The following PLPPR5 variants were observed in gnomAD, a reference collection of about 807,000 sequenced individuals.
PLPPR5 encodes the protein phospholipid phosphatase-related protein type 5.
A neutral mutation model predicts 33.9 loss-of-function variants in PLPPR5; 16 were observed. That is an observed-to-expected ratio of 0.47 (90% CI 0.32 to 0.72). The LOEUF is 0.72. Among genes scored for constraint, PLPPR5 ranks in the 30% least tolerant of loss-of-function variants. The probability of loss-of-function intolerance (pLI) is 0.03; values close to 1 mark genes in which losing one functional copy is unlikely to be tolerated. For missense variants in PLPPR5, 301 were observed against 406.7 expected (o/e 0.74, Z 2.23); for synonymous variants, 163 against 150.3 (o/e 1.08, Z -0.62).
Position 98,892,908 on chromosome 1 carries a change from A to T in PLPPR5, c.*164T>A. On this transcript the variant is annotated 3_prime_UTR_variant, in exon 6 of 6. Transcript: ENST00000263177. ...AGACAATCCTGCCCTCGAGGAGCTC[A>T]CAGTCTAGTGGGGGAAACAGATAGG... 1 of 674,668 alleles carries T rather than the reference A, an allele frequency of 1.5e-6. No individual in the cohort carries two copies. Among genetic ancestry groups the T allele is most frequent in the Non-Finnish European group, 2.5e-6 (1 of 399,166 alleles). 41.8% of individuals were successfully genotyped at this position (674,668 alleles called of 1,614,324 possible).
At chr1:98,926,556 T>C (rs1036014153) in intron 3 of PLPPR5, among the ~76,000 whole-genome samples, 8 of 151,714 alleles carry the variant, frequency 5.3e-5, no homozygotes, top group African/African-American at 1.9e-4. Context: ...GAATCTTCCA[T>C]GACTTCTTCA....
intron 5 of PLPPR5, among the ~76,000 whole-genome samples, chr1:98,903,599 C>A (rs1648781990): frequency 6.6e-6 from 1 of 151,874 alleles, no homozygotes. Flanking sequence ...ACTTTTAAAT[C>A]CATGAAGTCT....
chr1:98,941,718 C>G (rs571853461), intron 3 of PLPPR5, among the ~76,000 whole-genome samples: 9 of 151,662 alleles, frequency 5.9e-5, no homozygotes, highest in Admixed American at 3.3e-4. Flanking sequence ...GTATTTAGCA[C>G]AGTAAGAACT....
chr1:98,938,424 A>G (rs1224394209), intron 3 of PLPPR5, among the ~76,000 whole-genome samples: 1 of 149,344 alleles, frequency 6.7e-6, no homozygotes, highest in African/African-American at 2.4e-5. Flanking sequence ...TCGTCTCAAA[A>G]AAAAAAAAAA....
At chr1:98,976,566 C>T (rs1651862255) in intron 1 of PLPPR5, among the ~76,000 whole-genome samples, 1 of 151,962 alleles carries the variant, frequency 6.6e-6, no homozygotes, top group Non-Finnish European at 1.5e-5. Flanking sequence ...TCTAGATCTG[C>T]CCTGTCTGAT....
chr1:98,968,191 A>AATAAGAGTACTGTAAC lies in PLPPR5; in HGVS notation c.238-11451_238-11450insGTTACAGTACTCTTAT, dbSNP rs138315970. Among the ~76,000 whole-genome samples the AATAAGAGTACTGTAAC allele has an allele frequency of 2.6e-5, 4 of 151,970 alleles. No individual in the cohort carries two copies. In the South Asian group the frequency reaches 8.3e-4, roughly 32 times the overall value. ...GCAAACATAAGCTCTAAGGAAAATG[A>AATAAGAGTACTGTAAC]ATACACTCATGTTATATACTTATAG... On this transcript the variant is annotated intron_variant, in intron 1 of 5. Coordinates refer to ENST00000263177, the MANE Select transcript of PLPPR5 (RefSeq NM_001037317.2).
At chr1:98,980,096 G>C (rs11807014) in intron 1 of PLPPR5, among the ~76,000 whole-genome samples, 2,909 of 152,128 alleles carry the variant, frequency 0.019, 94 homozygotes, top group African/African-American at 0.067. Flanking sequence ...AGGCATCAGG[G>C]ATGCTCTAGA....
At chr1:98,948,978 A>G (rs1160569326) in intron 3 of PLPPR5, among the ~76,000 whole-genome samples, 1 of 152,226 alleles carries the variant, frequency 6.6e-6, no homozygotes, top group African/African-American at 2.4e-5. Context: ...TAAGGTCAGA[A>G]TTGGAAGTGA....
At chr1:98,977,181 G>A (rs1312507749) in intron 1 of PLPPR5, among the ~76,000 whole-genome samples, 1 of 151,984 alleles carries the variant, frequency 6.6e-6, no homozygotes, top group African/African-American at 2.4e-5. Context: ...CCAGGCAACT[G>A]GGCATACATT....
Position 98,923,412 on chromosome 1 carries a change from G to A in PLPPR5, c.622-1354C>T, listed in dbSNP as rs144653139. On this transcript the variant is annotated intron_variant, in intron 3 of 5. Coordinates refer to ENST00000263177, the MANE Select transcript of PLPPR5 (RefSeq NM_001037317.2). Reference sequence around the variant, plus strand: ...TATATACCATTAACTATTGTCCCTGGTTAAATAAACAATACATCTGCCTAA... The same window carrying A: ...TATATACCATTAACTATTGTCCCTGATTAAATAAACAATACATCTGCCTAA... 8.5e-5 allele frequency among the ~76,000 whole-genome samples: 13 copies of A among 152,152 alleles called. No homozygotes were observed. In the East Asian group the frequency reaches 2.5e-3, roughly 29 times the overall value.
chr1:98,950,198 T>TA (rs5776444), intron 3 of PLPPR5, among the ~76,000 whole-genome samples: 152,300 of 152,300 alleles, frequency 1, 76,150 homozygotes, highest in Non-Finnish European at 1. Context: ...TCCTCATTTA[T>TA]AAATGGGTAA....
rs141898134 is a variant in PLPPR5 at position 98,922,999 on chromosome 1, C to CAA, written c.622-943_622-942dup. Among the ~76,000 whole-genome samples, 312 of 149,532 alleles carry CAA rather than the reference C, an allele frequency of 2.1e-3. 1 individual carries two copies. The highest frequency in any genetic ancestry group is 0.017 in the Middle Eastern group (5 of 290). On this transcript the variant is annotated intron_variant, in intron 3 of 5. Coordinates refer to ENST00000263177, the MANE Select transcript of PLPPR5 (RefSeq NM_001037317.2). ...GACTCTGTCTCAAAAACAACAACAA[C>CAA]AACAAAAAAAAACCATAAGTACGAT...
At chr1:98,932,334 A>G (rs932019027) in intron 3 of PLPPR5, among the ~76,000 whole-genome samples, 2 of 152,208 alleles carry the variant, frequency 1.3e-5, no homozygotes, top group African/African-American at 2.4e-5. Flanking sequence ...GTTTCAAACA[A>G]CTGAGTTAAA....
At chr1:98,907,721 G>A (rs1409150004) in intron 5 of PLPPR5, among the ~76,000 whole-genome samples, 2 of 152,184 alleles carry the variant, frequency 1.3e-5, no homozygotes, top group African/African-American at 4.8e-5. Context: ...ATCCTGAGCA[G>A]AAGAGCTGGA....
intron 4 of PLPPR5, among the ~76,000 whole-genome samples, chr1:98,918,217 A>T (rs1191758057): frequency 6.6e-6 from 1 of 152,148 alleles, no homozygotes; most frequent in Non-Finnish European, 1.5e-5. Flanking sequence ...ATAATCCTGG[A>T]TCTCTCAGTT....
intron 2 of PLPPR5, among the ~76,000 whole-genome samples, chr1:98,954,448 C>T (rs1334048869): frequency 6.6e-6 from 1 of 152,018 alleles, no homozygotes; most frequent in East Asian, 1.9e-4. Flanking sequence ...TTATTTGTTT[C>T]CCAAGCCTTT....
At chr1:98,903,820 T>C (rs1348861860) in intron 5 of PLPPR5, among the ~76,000 whole-genome samples, 1 of 152,178 alleles carries the variant, frequency 6.6e-6, no homozygotes, top group Admixed American at 6.6e-5. Flanking sequence ...CTCCACTTCA[T>C]TATTATGCAG....
chr1:98,921,731 T>C (rs1488950076), intron 4 of PLPPR5, 151 bp downstream of exon 4: 4 of 611,932 alleles, frequency 6.5e-6, no homozygotes. Flanking sequence ...AAGAAATGAA[T>C]GACTTAAATG....
intron 1 of PLPPR5, among the ~76,000 whole-genome samples, chr1:98,965,538 T>C (rs1452351236): frequency 6.6e-6 from 1 of 152,216 alleles, no homozygotes; most frequent in African/African-American, 2.4e-5. Flanking sequence ...CCCATTCTGC[T>C]GATGAATAGC....
Sources: gnomAD v4.1 joint callset for allele counts (sites outside exome capture counted in the v4.1 genomes callset) on GRCh38, gnomAD v4.1.1 for gene constraint, MANE v1.5 for transcripts, NCBI Gene and HGNC (gene_info 2026-07-23, HGNC 2026-07-21) for gene names.